Variants in PDE10A observed in about 807,000 individuals in gnomAD.
PDE10A encodes cAMP and cAMP-inhibited cGMP 3',5'-cyclic phosphodiesterase 10A.
PDE10A carries 39 observed loss-of-function variants against 97.7 expected under a neutral mutation model. The observed-to-expected ratio is 0.40, with a 90% CI of 0.31 to 0.52. PDE10A has a LOEUF of 0.52. Ranked by LOEUF, PDE10A falls within the 20% of genes least tolerant of loss-of-function variation. PDE10A has a pLI of 0.56. For missense variants in PDE10A, 731 were observed against 1,047.8 expected, an observed-to-expected ratio of 0.70 and a Z score of 4.17; for synonymous variants, 371 against 376.8, an observed-to-expected ratio of 0.98 and a Z score of 0.18.
At position 165,775,936 on chromosome 6, in the gene PDE10A, C is replaced by T. The variant is rs190560252; in HGVS notation, c.-615+211593G>A. On this transcript the variant is annotated intron_variant, in intron 1 of 19. Coordinates refer to the PDE10A transcript ENST00000366882. ...AATTACTTCCAGAAACGGATTGTTT[C>T]GTATTCTTATGGAATTCAACTTGAA... 4.4e-3 allele frequency among the ~76,000 whole-genome samples: 673 copies of T among 152,244 alleles called. 5 individuals are homozygous for T. Among genetic ancestry groups the T allele is most frequent in the Non-Finnish European group, 7.4e-3 (501 of 68,024 alleles).
intron 1 of PDE10A, among the ~76,000 whole-genome samples, chr6:165,880,624 A>G (rs1781447551): frequency 6.6e-6 from 1 of 152,192 alleles, no homozygotes; most frequent in South Asian, 2.1e-4. Context: ...AGTCCTTTAA[A>G]TGTTCATCTA....
At chr6:165,943,281 AAG>A (rs1370500196) in intron 1 of PDE10A, among the ~76,000 whole-genome samples, 1 of 140,296 alleles carries the variant, frequency 7.1e-6, no homozygotes, top group African/African-American at 2.9e-5. Context: ...GAAGGAAAGA[AAG>A]AAAGAAAGAA....
At chr6:165,753,861 C>A (rs187182239) in intron 1 of PDE10A, among the ~76,000 whole-genome samples, 23 of 152,294 alleles carry the variant, frequency 1.5e-4, no homozygotes, top group Admixed American at 1.3e-4. Context: ...GACAATAATT[C>A]TTCTACAACC....
At chr6:165,531,311 C>T (rs1455365419) in intron 2 of PDE10A, among the ~76,000 whole-genome samples, 4 of 150,954 alleles carry the variant, frequency 2.6e-5, no homozygotes, top group South Asian at 2.1e-4. Context: ...GCTTAGCAAG[C>T]GTTACGCACA....
chr6:165,967,674 G>T (rs1295688809), intron 1 of PDE10A, among the ~76,000 whole-genome samples: 1 of 152,142 alleles, frequency 6.6e-6, no homozygotes, highest in Non-Finnish European at 1.5e-5. Flanking sequence ...GAAGTGTCTT[G>T]GGCATTTTCC....
intron 3 of PDE10A, among the ~76,000 whole-genome samples, chr6:165,451,243 G>A (rs774218285): frequency 3.3e-5 from 5 of 152,184 alleles, no homozygotes; most frequent in Non-Finnish European, 5.9e-5. Flanking sequence ...CATGGCACCA[G>A]TGGAAACAGC....
At chr6:165,507,671 T>C (rs758578291) in intron 2 of PDE10A, among the ~76,000 whole-genome samples, 6 of 152,108 alleles carry the variant, frequency 3.9e-5, no homozygotes, top group Non-Finnish European at 5.9e-5. Flanking sequence ...CCTTTTTCTC[T>C]TCCTCTCCAC....
At position 165,448,920 on chromosome 6, in the gene PDE10A, A is replaced by T. The variant is rs199688821; in HGVS notation, c.1194+8T>A. On this transcript the variant is annotated splice_region_variant and intron_variant, in intron 5 of 21. Transcript: ENST00000539869. The stretch of plus-strand genomic sequence containing the variant: ...CTAGAGCACCAAAATCTAAATTTAG[A>T]TACTTACATTATTGCACTCTCCAAG... 1 of 1,588,714 alleles carries T rather than the reference A, an allele frequency of 6.3e-7. No individual in the cohort carries two copies. Among genetic ancestry groups the T allele is most frequent in the Admixed American group, 1.7e-5 (1 of 59,278 alleles).
In PDE10A at chr6:165,722,808, C is replaced by T. The variant is rs145070464; in HGVS notation, c.-614-179240G>A. Among the ~76,000 whole-genome samples the T allele has an allele frequency of 2.1e-3, 324 of 151,952 alleles. 1 individual carries two copies. Among genetic ancestry groups the T allele is most frequent in the Non-Finnish European group, 4.1e-3 (278 of 67,992 alleles). ...GAAAACATCGGAGTGAACATTTTACCTTTTCAGGTAACACAACATGAGATC... is the reference window on the plus strand; with the variant it reads ...GAAAACATCGGAGTGAACATTTTACTTTTTCAGGTAACACAACATGAGATC... On this transcript the variant is annotated intron_variant, in intron 1 of 19. Transcript: ENST00000366882.
chr6:165,649,640 C>T (rs911390747), intron 1 of PDE10A, among the ~76,000 whole-genome samples: 2 of 152,152 alleles, frequency 1.3e-5, no homozygotes, highest in African/African-American at 4.8e-5. Flanking sequence ...CAGGGGTGCC[C>T]ACTGCCCCTG....
At chr6:165,680,628 G>C (rs1246092144) in intron 1 of PDE10A, among the ~76,000 whole-genome samples, 1 of 152,186 alleles carries the variant, frequency 6.6e-6, no homozygotes, top group South Asian at 2.1e-4. Flanking sequence ...TACCAGCCAG[G>C]AGCGGGGGCT....
intron 1 of PDE10A, among the ~76,000 whole-genome samples, chr6:165,804,280 G>T (rs1779056888): frequency 6.6e-6 from 1 of 152,144 alleles, no homozygotes; most frequent in African/African-American, 2.4e-5. Context: ...TATATTCAAA[G>T]ATCCTCAAAT....
At chr6:165,908,244 C>A (rs1782352963) in intron 1 of PDE10A, among the ~76,000 whole-genome samples, 1 of 152,192 alleles carries the variant, frequency 6.6e-6, no homozygotes, top group African/African-American at 2.4e-5. Flanking sequence ...CCAGCGAGGG[C>A]TGCCATGCAG....
At chr6:165,439,978 C>T (rs988776466) in intron 5 of PDE10A, among the ~76,000 whole-genome samples, 8 of 152,134 alleles carry the variant, frequency 5.3e-5, no homozygotes, top group African/African-American at 1.9e-4. Flanking sequence ...ATTCAAACAT[C>T]ACTTTATTCA....
intron 1 of PDE10A, among the ~76,000 whole-genome samples, chr6:165,650,016 GT>G (rs1340069441): frequency 3.3e-5 from 5 of 152,198 alleles, no homozygotes; most frequent in African/African-American, 1.2e-4. Flanking sequence ...ACCACAAGGG[GT>G]AGTGATGCGT....
chr6:165,862,423 G>A (rs945457633), intron 1 of PDE10A, among the ~76,000 whole-genome samples: 22 of 152,288 alleles, frequency 1.4e-4, no homozygotes, highest in African/African-American at 4.8e-4. Context: ...TTACACATTT[G>A]TCTTGAAAAT....
intron 2 of PDE10A, among the ~76,000 whole-genome samples, chr6:165,496,006 G>T (rs1181160629): frequency 6.6e-6 from 1 of 151,938 alleles, no homozygotes; most frequent in African/African-American, 2.4e-5. Context: ...AGGATAAGGG[G>T]AATTGGAAGG....
At chr6:165,505,842 A>T (rs150752978) in intron 2 of PDE10A, among the ~76,000 whole-genome samples, 3 of 152,320 alleles carry the variant, frequency 2.0e-5, no homozygotes, top group Admixed American at 1.3e-4. Context: ...GTTGCATTCA[A>T]AAGCTGGTCA....
rs1778335401 is a variant in PDE10A at position 165,781,304 on chromosome 6, AC to A, written c.-615+206224del. The A allele has an allele frequency of 5.9e-5, 9 of 152,164 alleles. No homozygotes were observed. In the South Asian group the frequency reaches 1.7e-3, roughly 28 times the overall value. 9.4% of individuals were successfully genotyped at this position (152,164 alleles called of 1,614,324 possible). On this transcript the variant is annotated intron_variant, in intron 1 of 19. Transcript: ENST00000366882. ...ACCTATTATTTTTTTTAAAATAAAT[AC>A]CCCATCTCAGGTATTCTGTTACGGC...
Sources: allele counts gnomAD v4.1 joint callset (sites outside exome capture counted in the v4.1 genomes callset), GRCh38; gene constraint gnomAD v4.1.1; transcripts MANE v1.5; gene names NCBI Gene and HGNC (gene_info 2026-07-23, HGNC 2026-07-21).